Variants in RABGAP1L observed in about 807,000 individuals in gnomAD.
The protein encoded by RABGAP1L is RAB GTPase activating protein 1 like.
In RABGAP1L, 63 loss-of-function variants were observed where a neutral mutation model predicts 137.7. The ratio of observed to expected loss-of-function variants is 0.46; its 90% CI spans 0.37 to 0.56. RABGAP1L has a LOEUF of 0.56. Ranked by LOEUF, RABGAP1L falls within the 20% of genes least tolerant of loss-of-function variation. RABGAP1L has a pLI of 0.00. For missense variants in RABGAP1L, 1,095 were observed against 1,244.0 expected (o/e 0.88, Z 1.80); for synonymous variants, 431 against 433.7 (o/e 0.99, Z 0.08).
At chr1:174,400,084 A>G (rs1204740154) in intron 13 of RABGAP1L, among the ~76,000 whole-genome samples, 1 of 152,196 alleles carries the variant, frequency 6.6e-6, no homozygotes, top group African/African-American at 2.4e-5. Flanking sequence ...GGGGTGGCAA[A>G]TATACAGCCA....
At chr1:174,408,102 A>T (rs1292281770) in intron 13 of RABGAP1L, among the ~76,000 whole-genome samples, 1 of 152,192 alleles carries the variant, frequency 6.6e-6, no homozygotes, top group Non-Finnish European at 1.5e-5. Context: ...CAGGGGGTAC[A>T]TATGCAGGTT....
chr1:174,183,520 T>G (rs577549349), intron 1 of RABGAP1L, among the ~76,000 whole-genome samples: 3 of 152,232 alleles, frequency 2.0e-5, no homozygotes, highest in African/African-American at 7.2e-5. Flanking sequence ...TGCATACCCC[T>G]GCCCTTACAC....
At chr1:174,917,897 C>T (rs1002937130) in intron 19 of RABGAP1L, among the ~76,000 whole-genome samples, 1 of 148,492 alleles carries the variant, frequency 6.7e-6, no homozygotes, top group Non-Finnish European at 1.5e-5. Flanking sequence ...GTGCCACTAG[C>T]ACTCCAGCCT....
At chr1:174,308,686 C>G (rs1405024037) in intron 11 of RABGAP1L, among the ~76,000 whole-genome samples, 4 of 152,024 alleles carry the variant, frequency 2.6e-5, no homozygotes, top group Admixed American at 6.6e-5. Flanking sequence ...CCAGTTGGCT[C>G]TAAATACATG....
intron 4 of RABGAP1L, among the ~76,000 whole-genome samples, chr1:174,233,266 AT>A (rs34674306): frequency 0.092 from 13,742 of 149,998 alleles, 713 homozygotes; most frequent in Middle Eastern, 0.15. Flanking sequence ...TATGAAGATA[AT>A]TTTTTTTTTT....
intron 7 of RABGAP1L, among the ~76,000 whole-genome samples, chr1:174,269,065 C>T (rs1313705953): frequency 6.6e-6 from 1 of 152,122 alleles, no homozygotes; most frequent in Non-Finnish European, 1.5e-5. Context: ...GTCTAAGCCT[C>T]CCGAGTAGCT....
chr1:174,349,044 C>CGGG lies in RABGAP1L; in HGVS notation c.1466-21927_1466-21925dup, dbSNP rs551877098. 8.9e-3 allele frequency among the ~76,000 whole-genome samples: 912 copies of CGGG among 102,638 alleles called. 30 individuals carry two copies. Among genetic ancestry groups the CGGG allele is most frequent in the Middle Eastern group, 0.02 (3 of 148 alleles). The allele number at this position is 102,638 out of a possible 152,430, so 67.3% of individuals were successfully genotyped here. Reference sequence around the variant, plus strand: ...CTCCCGGACAGGGCGGCTGGCCGGGCGGGGGGGGGGCTGACCCCCCCCACC... The same window carrying CGGG: ...CTCCCGGACAGGGCGGCTGGCCGGGCGGGGGGGGGGGGGCTGACCCCCCCCACC... On this transcript the variant is annotated intron_variant, in intron 11 of 25. Transcript: ENST00000681986.
At chr1:174,162,775 CTG>C (rs1664588948) in intron 1 of RABGAP1L, among the ~76,000 whole-genome samples, 23 of 23,422 alleles carry the variant, frequency 9.8e-4, no homozygotes, top group East Asian at 1.9e-3. Flanking sequence ...TTTTCTCTTT[CTG>C]TTTTTTTTTT....
In RABGAP1L at chr1:174,728,594, C is replaced by CTTT. The variant is rs1294397296; in HGVS notation, c.2170-23700_2170-23698dup. Among the ~76,000 whole-genome samples the CTTT allele has an allele frequency of 9.5e-3, 1,087 of 114,606 alleles. 40 individuals carry two copies. Among genetic ancestry groups the CTTT allele is most frequent in the African/African-American group, 0.03 (917 of 30,208 alleles). The allele number at this position is 114,606 out of a possible 152,430, so 75.2% of individuals were successfully genotyped here. ...GCTATTCCTATCAAACTACCAGTGT[C>CTTT]TTTTTTTTTTTTTTTTTTTTTGAGA... On this transcript the variant is annotated intron_variant, in intron 17 of 25. Coordinates refer to ENST00000681986, the MANE Select transcript of RABGAP1L (RefSeq NM_001366446.1).
In RABGAP1L at chr1:174,448,001, A is replaced by C; in HGVS notation, c.1710+53856A>C. The C allele has an allele frequency of 1.2e-6, 1 of 846,696 alleles. No individual in the cohort carries two copies. The allele number at this position is 846,696 out of a possible 1,614,324, so 52.4% of individuals were successfully genotyped here. On this transcript the variant is annotated intron_variant, in intron 13 of 25. Coordinates refer to ENST00000681986, the MANE Select transcript of RABGAP1L (RefSeq NM_001366446.1). This position sits in a 1 kb window ranked among gnomAD's most constrained non-coding sequence, Gnocchi z 4.2. ...TCTCAGCTGTGACAGAAGCACTGAC[A>C]CTGTCTACTGAAGCAGGTTCTGAAA...
intron 11 of RABGAP1L, among the ~76,000 whole-genome samples, chr1:174,349,810 G>A (rs1274225467): frequency 2.2e-5 from 3 of 135,914 alleles, no homozygotes; most frequent in African/African-American, 7.9e-5. Context: ...GGGGCGGCCG[G>A]GCAGAGGCGC....
At chr1:174,281,576 A>G (rs760623518) in intron 10 of RABGAP1L, among the ~76,000 whole-genome samples, 1 of 152,200 alleles carries the variant, frequency 6.6e-6, no homozygotes, top group Non-Finnish European at 1.5e-5. Context: ...AGGGGAGTAG[A>G]CATTAATTAG....
Position 174,893,342 on chromosome 1 carries a change from G to A in RABGAP1L, c.2341-64115G>A, listed in dbSNP as rs567597040. Among the ~76,000 whole-genome samples, 3 of 152,256 alleles carry A rather than the reference G, an allele frequency of 2.0e-5. No individual in the cohort carries two copies. In the South Asian group the frequency reaches 6.2e-4, roughly 32 times the overall value. On this transcript the variant is annotated intron_variant, in intron 19 of 25. Coordinates refer to ENST00000681986, the MANE Select transcript of RABGAP1L (RefSeq NM_001366446.1). ...CTGGCTGTGCGTGGATTGGCAAGCT[G>A]AATGTTTAATTATGTGGGGTGACTA...
chr1:174,356,222 T>C (rs1296215454), intron 11 of RABGAP1L, among the ~76,000 whole-genome samples: 1 of 152,126 alleles, frequency 6.6e-6, no homozygotes, highest in African/African-American at 2.4e-5. Flanking sequence ...TGGGTTTTTT[T>C]CCCCTGGTGT....
chr1:174,437,423 C>A (rs1653521342), intron 13 of RABGAP1L, among the ~76,000 whole-genome samples: 1 of 152,114 alleles, frequency 6.6e-6, no homozygotes, highest in Admixed American at 6.5e-5. Context: ...GTGACGAATG[C>A]ACGAGCCTCA....
chr1:174,702,494 C>T (rs1679734138), intron 17 of RABGAP1L, among the ~76,000 whole-genome samples: 1 of 152,074 alleles, frequency 6.6e-6, no homozygotes, highest in Non-Finnish European at 1.5e-5. Flanking sequence ...ATTAAATTTG[C>T]ATAATTAAAT....
At chr1:174,640,726 C>A (rs1423646236) in intron 14 of RABGAP1L, among the ~76,000 whole-genome samples, 1 of 151,838 alleles carries the variant, frequency 6.6e-6, no homozygotes, top group East Asian at 1.9e-4. Flanking sequence ...TTTTCCTTTA[C>A]CAATCCTTAT....
chr1:174,417,331 G>C (rs1032934444), intron 13 of RABGAP1L, among the ~76,000 whole-genome samples: 2 of 152,254 alleles, frequency 1.3e-5, no homozygotes, highest in African/African-American at 2.4e-5. Context: ...ATAGTTCAAG[G>C]TGCTAAATCT....
At chr1:174,428,819 A>G (rs539588183) in intron 13 of RABGAP1L, among the ~76,000 whole-genome samples, 1 of 152,320 alleles carries the variant, frequency 6.6e-6, no homozygotes, top group African/African-American at 2.4e-5. Context: ...AATGCAAACT[A>G]TACTCTTAAC....
Sources: gnomAD v4.1 joint callset for allele counts (sites outside exome capture counted in the v4.1 genomes callset) on GRCh38, gnomAD v4.1.1 for gene constraint, Gnocchi (gnomAD v3.1) non-coding constraint, MANE v1.5 for transcripts, NCBI Gene and HGNC (gene_info 2026-07-23, HGNC 2026-07-21) for gene names.